CLNK: variants seen among roughly 807,000 people sequenced by gnomAD.
CLNK encodes the protein cytokine dependent hematopoietic cell linker.
A neutral mutation model predicts 68.6 loss-of-function variants in CLNK; 74 were observed. The ratio of observed to expected loss-of-function variants is 1.08; its 90% CI spans 0.89 to 1.31. The LOEUF (loss-of-function observed/expected upper bound fraction) is 1.31. Among genes scored for constraint, CLNK ranks in the 50% most tolerant of loss-of-function variants. The pLI, the probability that CLNK is intolerant of heterozygous loss-of-function variation, is 0.00. For missense variants in CLNK, 553 were observed against 515.3 expected, an observed-to-expected ratio of 1.07 and a Z score of -0.71; for synonymous variants, 198 against 172.2, an observed-to-expected ratio of 1.15 and a Z score of -1.17.
chr4:10,583,280 T>TC (rs1427613829), intron 4 of CLNK, among the ~76,000 whole-genome samples: 2 of 151,380 alleles, frequency 1.3e-5, no homozygotes, highest in African/African-American at 2.4e-5. Context: ...TCTCTCTCTC[T>TC]TTTTTTTTCT....
rs143970203 is a variant in CLNK at position 10,537,386 on chromosome 4, G to C, written c.602+3108C>G. On this transcript the variant is annotated intron_variant, in intron 11 of 18. Transcript: ENST00000226951. ...CCAGCTACTCAGGAGGTTGAGTCAG[G>C]AGAATCAATTGAACCCGGGAGGCAG... Among the ~76,000 whole-genome samples, 242 of 152,248 alleles carry C rather than the reference G, an allele frequency of 1.6e-3. 4 individuals carry two copies. In the East Asian group the frequency reaches 0.045, roughly 28 times the overall value.
chr4:10,728,284 C>T, the CLNK span, among the ~76,000 whole-genome samples: 4 of 152,094 alleles, frequency 2.6e-5, no homozygotes, highest in Admixed American at 6.5e-5. Context: ...ATTTGCCAAA[C>T]GTTTTTAGAA....
the CLNK span, among the ~76,000 whole-genome samples, chr4:10,704,001 G>GT: frequency 6.6e-6 from 1 of 152,160 alleles, no homozygotes; most frequent in African/African-American, 2.4e-5. Context: ...TAAGTGCTAT[G>GT]AAGAAATAGT....
At chr4:10,512,440 A>G (rs1295222112) in intron 16 of CLNK, among the ~76,000 whole-genome samples, 1 of 152,164 alleles carries the variant, frequency 6.6e-6, no homozygotes, top group South Asian at 2.1e-4. Flanking sequence ...CATGTTGGTC[A>G]AGCTGGTCTC....
intron 7 of CLNK, among the ~76,000 whole-genome samples, chr4:10,560,950 G>A (rs1353510129): frequency 6.6e-6 from 1 of 151,684 alleles, no homozygotes; most frequent in Non-Finnish European, 1.5e-5. Context: ...AGACTAGAGT[G>A]AAGTGGCATG....
At chr4:10,522,022 G>C (rs918780321) in intron 14 of CLNK, among the ~76,000 whole-genome samples, 1 of 152,150 alleles carries the variant, frequency 6.6e-6, no homozygotes, top group Admixed American at 6.5e-5. Flanking sequence ...ACTTTGGGAG[G>C]CTGAGGCAGG....
chr4:10,539,019 G>A (rs570081399), intron 11 of CLNK, among the ~76,000 whole-genome samples: 1 of 152,202 alleles, frequency 6.6e-6, no homozygotes, highest in Non-Finnish European at 1.5e-5. Flanking sequence ...TCCAGAAGCC[G>A]AGCAGATGCC....
the CLNK span, among the ~76,000 whole-genome samples, chr4:10,706,892 G>A: frequency 1.3e-5 from 2 of 152,284 alleles, no homozygotes; most frequent in East Asian, 1.9e-4. Flanking sequence ...ATTTCTGGCC[G>A]TGATGGGAAG....
At chr4:10,493,138 G>T (rs562590529) in intron 18 of CLNK, among the ~76,000 whole-genome samples, 23 of 152,306 alleles carry the variant, frequency 1.5e-4, no homozygotes, top group African/African-American at 5.5e-4. Context: ...CCAACATAGT[G>T]AAATCCCCTC....
At chr4:10,718,446 T>G in the CLNK span, among the ~76,000 whole-genome samples, 1 of 151,906 alleles carries the variant, frequency 6.6e-6, no homozygotes, top group African/African-American at 2.4e-5. Flanking sequence ...GCAGTGAATT[T>G]CTCATCGGAA....
intron 2 of CLNK, among the ~76,000 whole-genome samples, chr4:10,641,021 A>T (rs963351670): frequency 6.6e-6 from 1 of 152,200 alleles, no homozygotes; most frequent in African/African-American, 2.4e-5. Flanking sequence ...GCTATTTTTC[A>T]TGTAAAAAAA....
At chr4:10,587,882 G>A (rs1353534025) in intron 3 of CLNK, among the ~76,000 whole-genome samples, 4 of 152,272 alleles carry the variant, frequency 2.6e-5, no homozygotes, top group East Asian at 1.9e-4. Context: ...GTGCAGCTGC[G>A]ACCTCAGAGC....
chr4:10,526,692 C>T (rs978317253), intron 13 of CLNK, among the ~76,000 whole-genome samples: 13 of 152,110 alleles, frequency 8.5e-5, no homozygotes, highest in East Asian at 1.9e-4. Context: ...AGCTAGGTTC[C>T]GACCAGGGAT....
rs374142132 is a variant in CLNK at position 10,530,417 on chromosome 4, A to G, written c.630+1839T>C. 6.6e-5 allele frequency among the ~76,000 whole-genome samples: 10 copies of G among 152,238 alleles called. No homozygotes were observed. The East Asian group carries it at 1.7e-3, about 26-fold the overall frequency. ...GCAGGCACAAGCACAGCTTGCCCTG[A>G]TGGGCTTTTGTTATGAAGAAATGGT... On this transcript the variant is annotated intron_variant, in intron 12 of 18. Coordinates refer to ENST00000226951, the MANE Select transcript of CLNK (RefSeq NM_052964.4).
At chr4:10,671,482 C>T (rs977102711) in intron 1 of CLNK, among the ~76,000 whole-genome samples, 10 of 152,144 alleles carry the variant, frequency 6.6e-5, no homozygotes, top group Admixed American at 2.0e-4. Flanking sequence ...GAAGAGATGG[C>T]ATTCTACAGG....
At chr4:10,702,760 A>G in the CLNK span, among the ~76,000 whole-genome samples, 1 of 152,166 alleles carries the variant, frequency 6.6e-6, no homozygotes, top group South Asian at 2.1e-4. Flanking sequence ...CCTTAAATGA[A>G]TTACCATTTA....
intron 2 of CLNK, among the ~76,000 whole-genome samples, chr4:10,607,697 C>T (rs1228019800): frequency 1.3e-5 from 2 of 152,194 alleles, no homozygotes; most frequent in African/African-American, 2.4e-5. Context: ...GGGTCCTATA[C>T]ATCTTGTCAG....
chr4:10,576,092 T>C (rs1319912860), intron 4 of CLNK, among the ~76,000 whole-genome samples: 1 of 152,154 alleles, frequency 6.6e-6, no homozygotes, highest in African/African-American at 2.4e-5. Context: ...AATAGTCAGT[T>C]GTCAAATACA....
intron 14 of CLNK, among the ~76,000 whole-genome samples, chr4:10,524,246 C>G (rs1718209578): frequency 6.6e-6 from 1 of 152,116 alleles, no homozygotes; most frequent in African/African-American, 2.4e-5. Context: ...AATAAAATTA[C>G]TGAAGGTGCC....
Sources: allele counts gnomAD v4.1 joint callset (sites outside exome capture counted in the v4.1 genomes callset), GRCh38; gene constraint gnomAD v4.1.1; transcripts MANE v1.5; gene names NCBI Gene and HGNC (gene_info 2026-07-23, HGNC 2026-07-21).